Variants in EML4 observed in about 807,000 individuals in gnomAD.
The protein encoded by EML4 is echinoderm microtubule-associated protein-like 4.
A neutral mutation model predicts 129.0 loss-of-function variants in EML4; 72 were observed. The observed-to-expected ratio is 0.56, with a 90% CI of 0.46 to 0.68. The LOEUF (loss-of-function observed/expected upper bound fraction) is 0.68. Ranked by LOEUF, EML4 falls within the 30% of genes least tolerant of loss-of-function variation. The pLI is 0.00. For synonymous variants in EML4, 532 were observed against 405.0 expected (o/e 1.31, Z -3.77); for missense variants, 1,363 against 1,190.6 (o/e 1.14, Z -2.13).
At chr2:42,274,714 G>A (rs1183046323) in intron 6 of EML4, among the ~76,000 whole-genome samples, 2 of 152,176 alleles carry the variant, frequency 1.3e-5, no homozygotes, top group African/African-American at 2.4e-5. Context: ...CCAAAAGAAT[G>A]AGAGTTTTGA....
chr2:42,231,562 A>G (rs1674347554), intron 1 of EML4, among the ~76,000 whole-genome samples: 1 of 152,190 alleles, frequency 6.6e-6, no homozygotes, highest in Admixed American at 6.5e-5. Flanking sequence ...CAGTCATCCA[A>G]ATAGAAAAAC....
chr2:42,273,740 G>C (rs1268328891), intron 6 of EML4, among the ~76,000 whole-genome samples: 1 of 151,998 alleles, frequency 6.6e-6, no homozygotes, highest in Non-Finnish European at 1.5e-5. Flanking sequence ...GCAAGTACTG[G>C]AACTAAAAAT....
intron 1 of EML4, among the ~76,000 whole-genome samples, chr2:42,214,715 G>A (rs975324649): frequency 6.6e-6 from 1 of 152,106 alleles, no homozygotes; most frequent in African/African-American, 2.4e-5. Flanking sequence ...TGCATGTCTG[G>A]TGCGTTAGCC....
intron 17 of EML4, among the ~76,000 whole-genome samples, chr2:42,310,372 T>A (rs1444854246): frequency 1.3e-5 from 2 of 151,342 alleles, no homozygotes; most frequent in Non-Finnish European, 2.9e-5. Flanking sequence ...TTTTGCAGAG[T>A]CTTGCTCTGT....
At chr2:42,328,686 ATTAG>A (rs1437669958) in intron 21 of EML4, among the ~76,000 whole-genome samples, 196 bp from the exon 22 acceptor site, 1 of 152,182 alleles carries the variant, frequency 6.6e-6, no homozygotes, top group Non-Finnish European at 1.5e-5. Context: ...TTGGTTTTTT[ATTAG>A]TTAGATTTTG....
chr2:42,266,215 A>G (rs1666056454), intron 6 of EML4, among the ~76,000 whole-genome samples: 1 of 152,162 alleles, frequency 6.6e-6, no homozygotes, highest in African/African-American at 2.4e-5. Flanking sequence ...ATGAAGTTGA[A>G]TTTTGCTGGC....
Position 42,169,607 on chromosome 2 carries a change from G to A in EML4, c.-5G>A, listed in dbSNP as rs370083781. 5.6e-6 allele frequency: 9 copies of A among 1,598,606 alleles called. No individual in the cohort carries two copies. Among genetic ancestry groups the A allele is most frequent in the African/African-American group, 2.7e-5 (2 of 73,926 alleles). On this transcript the variant is annotated 5_prime_UTR_variant, in exon 1 of 23. Transcript: ENST00000318522. ...AAGCCCGGAGCCCGGCGCTTTCCCC[G>A]CAAGATGGACGGTTTCGCCGGCAGT...
At chr2:42,221,869 G>T (rs1192420005) in intron 1 of EML4, among the ~76,000 whole-genome samples, 2 of 152,042 alleles carry the variant, frequency 1.3e-5, no homozygotes, top group African/African-American at 2.4e-5. Flanking sequence ...CTCCCAAAGT[G>T]CTGGGATTAC....
At chr2:42,282,148 C>G (rs1386157303) in intron 7 of EML4, among the ~76,000 whole-genome samples, 1 of 150,988 alleles carries the variant, frequency 6.6e-6, no homozygotes, top group South Asian at 2.1e-4. Flanking sequence ...CTTTTTTTTA[C>G]CCCCCCACGA....
At position 42,303,196 on chromosome 2, in the gene EML4, A is replaced by G; in HGVS notation, c.1734A>G (p.Gly578=). Reference sequence around the variant, plus strand: ...CATCACGAAACTTTATTTTACGAGGAACATTTAATGATGGCTTCCAAATAG... The same window carrying G: ...CATCACGAAACTTTATTTTACGAGGGACATTTAATGATGGCTTCCAAATAG... The part of the protein sequence containing the change: ...VGTSRNFILR[G]TFNDGFQIEV... Residue 578 remains glycine (G), a synonymous_variant, in exon 15 of 23, where the codon GGA becomes GGG. Coordinates refer to ENST00000318522, the MANE Select transcript of EML4 (RefSeq NM_019063.5). 1 of 1,614,226 alleles carries G rather than the reference A, an allele frequency of 6.2e-7. No homozygotes were observed. Among genetic ancestry groups the G allele is most frequent in the Non-Finnish European group, 8.5e-7 (1 of 1,180,034 alleles).
At position 42,245,094 on chromosome 2, in the gene EML4, C is replaced by CTTTTTTTTTTTTTTTT. The variant is rs56808218; in HGVS notation, c.26-408_26-393dup. Among the ~76,000 whole-genome samples, 182 of 66,538 alleles carry CTTTTTTTTTTTTTTTT rather than the reference C, an allele frequency of 2.7e-3. 33 individuals carry two copies. Among genetic ancestry groups the CTTTTTTTTTTTTTTTT allele is most frequent in the Admixed American group, 7.4e-3 (32 of 4,296 alleles). 43.7% of individuals were successfully genotyped at this position (66,538 alleles called of 152,430 possible). ...AGTTTTTTGTTTTGAAATTTTCTTT[C>CTTTTTTTTTTTTTTTT]TTTTTTTTTTTTTTTTTTGAGACAG... On this transcript the variant is annotated intron_variant, in intron 1 of 22. Coordinates refer to ENST00000318522, the MANE Select transcript of EML4 (RefSeq NM_019063.5).
intron 18 of EML4, 117 bp from the exon 19 acceptor site, chr2:42,317,310 T>C: frequency 1.5e-6 from 1 of 667,658 alleles, no homozygotes. Context: ...GATTCATTCA[T>C]TAATTGCCAA....
chr2:42,188,578 C>G (rs13399428), intron 1 of EML4, among the ~76,000 whole-genome samples: 19,995 of 151,780 alleles, frequency 0.13, 1,316 homozygotes, highest in East Asian at 0.19. Flanking sequence ...CAGAGTCTTG[C>G]TTTGTCACCC....
intron 1 of EML4, among the ~76,000 whole-genome samples, chr2:42,191,665 A>G (rs1671588300): frequency 6.6e-6 from 1 of 152,200 alleles, no homozygotes; most frequent in African/African-American, 2.4e-5. Context: ...ATTTAAAATT[A>G]TTTAATTTTA....
At chr2:42,268,066 A>G (rs554961237) in intron 6 of EML4, among the ~76,000 whole-genome samples, 1 of 152,312 alleles carries the variant, frequency 6.6e-6, no homozygotes, top group Admixed American at 6.5e-5. Context: ...ATTTTCTAAT[A>G]AACAAAATGA....
intron 17 of EML4, among the ~76,000 whole-genome samples, chr2:42,308,576 C>G (rs888699680): frequency 1.3e-5 from 2 of 151,976 alleles, no homozygotes; most frequent in Non-Finnish European, 2.9e-5. Flanking sequence ...CACATAACCC[C>G]CCCAAAAAAG....
intron 1 of EML4, among the ~76,000 whole-genome samples, chr2:42,195,586 C>A (rs1286831130): frequency 6.6e-6 from 1 of 152,126 alleles, no homozygotes; most frequent in Non-Finnish European, 1.5e-5. Context: ...AATATATAGA[C>A]CATTCCATAA....
intron 6 of EML4, among the ~76,000 whole-genome samples, chr2:42,270,552 A>G (rs185316182): frequency 3.7e-4 from 56 of 152,304 alleles, no homozygotes; most frequent in Admixed American, 2.9e-3. Flanking sequence ...TAGTCCTAAA[A>G]TCTGTTCACA....
chr2:42,235,939 AT>A (rs1674645903), intron 1 of EML4, among the ~76,000 whole-genome samples: 1 of 152,188 alleles, frequency 6.6e-6, no homozygotes, highest in African/African-American at 2.4e-5. Flanking sequence ...ACCAGTTATC[AT>A]ATCCCCCATC....
Sources: allele counts gnomAD v4.1 joint callset (sites outside exome capture counted in the v4.1 genomes callset), GRCh38; gene constraint gnomAD v4.1.1; transcripts MANE v1.5; gene names NCBI Gene and HGNC (gene_info 2026-07-23, HGNC 2026-07-21).